WWOX: variants seen among roughly 807,000 people sequenced by gnomAD.
WWOX encodes WW domain containing oxidoreductase.
Under a neutral mutation model 46.2 loss-of-function variants are expected in WWOX, and 69 were observed. The ratio of observed to expected loss-of-function variants is 1.49; its 90% CI spans 1.23 to 1.82. The LOEUF is 1.82. Among genes scored for constraint, WWOX ranks in the 40% most tolerant of loss-of-function variants. WWOX has a pLI of 0.00. For synonymous variants in WWOX, 359 were observed against 202.6 expected (o/e 1.77, Z -6.56); for missense variants, 919 against 542.6 (o/e 1.69, Z -6.89).
At chr16:79,012,175 G>A (rs1250976661) in intron 8 of WWOX, among the ~76,000 whole-genome samples, 3 of 152,140 alleles carry the variant, frequency 2.0e-5, no homozygotes, top group African/African-American at 7.2e-5. Flanking sequence ...GCCCTGTCCA[G>A]TATAAAAGCC....
intron 8 of WWOX, chr16:78,896,546 G>A (rs946367571): frequency 6.6e-6 from 1 of 152,156 alleles, no homozygotes; most frequent in African/African-American, 2.4e-5. Context: ...CTAATGAGAA[G>A]CAAACGCATC....
chr16:78,415,803 A>G (rs553556853), intron 6 of WWOX, among the ~76,000 whole-genome samples: 2 of 152,228 alleles, frequency 1.3e-5, no homozygotes, highest in South Asian at 4.2e-4. Flanking sequence ...TGTCACTCTC[A>G]TTGATGACAA....
chr16:78,665,469 A>G (rs910819418), intron 8 of WWOX, among the ~76,000 whole-genome samples: 2 of 152,052 alleles, frequency 1.3e-5, no homozygotes, highest in Non-Finnish European at 2.9e-5. Flanking sequence ...CTGACATGTG[A>G]TTTGCTGTGG....
chr16:78,984,826 G>T (rs1274331894), intron 8 of WWOX, among the ~76,000 whole-genome samples: 1 of 152,172 alleles, frequency 6.6e-6, no homozygotes, highest in Non-Finnish European at 1.5e-5. Flanking sequence ...CGTGTGCAGG[G>T]GATGTAACAG....
At chr16:78,581,208 A>T (rs1040001304) in intron 8 of WWOX, among the ~76,000 whole-genome samples, 1 of 152,318 alleles carries the variant, frequency 6.6e-6, no homozygotes, top group East Asian at 1.9e-4. Flanking sequence ...AAAGTTACAT[A>T]TGGTCCTTTG....
intron 5 of WWOX, among the ~76,000 whole-genome samples, chr16:78,353,711 G>C (rs1456181629): frequency 6.6e-6 from 1 of 152,210 alleles, no homozygotes; most frequent in Non-Finnish European, 1.5e-5. Flanking sequence ...GCTCACCTTG[G>C]AGAAGAACTT....
chr16:78,537,331 T>G (rs948021850), intron 8 of WWOX, among the ~76,000 whole-genome samples: 1 of 152,232 alleles, frequency 6.6e-6, no homozygotes, highest in East Asian at 1.9e-4. Flanking sequence ...ATACATGATA[T>G]GCATTTTCTA....
intron 4 of WWOX, among the ~76,000 whole-genome samples, chr16:78,119,682 T>C (rs2032992789): frequency 1.3e-5 from 2 of 151,950 alleles, no homozygotes; most frequent in Admixed American, 6.6e-5. Context: ...CAGGTGTTGG[T>C]CTCAAACTCC....
intron 5 of WWOX, chr16:78,269,023 G>A (rs2079423317): frequency 6.6e-6 from 1 of 152,042 alleles, no homozygotes; most frequent in Non-Finnish European, 1.5e-5. Context: ...TCTGAAATAA[G>A]TGGACACATA....
intron 8 of WWOX, among the ~76,000 whole-genome samples, chr16:79,104,731 G>A (rs1382767648): frequency 6.6e-6 from 1 of 152,166 alleles, no homozygotes; most frequent in Non-Finnish European, 1.5e-5. Flanking sequence ...GCCCCAGCAT[G>A]AGTCCTTTTC....
intron 8 of WWOX, among the ~76,000 whole-genome samples, chr16:78,882,536 G>C (rs2044364543): frequency 1.3e-5 from 2 of 150,506 alleles, no homozygotes; most frequent in Non-Finnish European, 2.9e-5. Flanking sequence ...GCGTGCATTG[G>C]TGGGATCTCA....
intron 8 of WWOX, among the ~76,000 whole-genome samples, chr16:78,867,834 C>T (rs2044039815): frequency 1.3e-5 from 2 of 152,082 alleles, no homozygotes; most frequent in South Asian, 2.1e-4. Flanking sequence ...GAATTCTAGC[C>T]CCAGACCATG....
chr16:78,868,658 C>G (rs1478681951), intron 8 of WWOX, among the ~76,000 whole-genome samples: 1 of 152,056 alleles, frequency 6.6e-6, no homozygotes, highest in Non-Finnish European at 1.5e-5. Flanking sequence ...ACTATCTGTC[C>G]AACAGTTTAG....
intron 8 of WWOX, among the ~76,000 whole-genome samples, chr16:79,073,149 C>CATT (rs1347902543): frequency 3.2e-5 from 3 of 92,606 alleles, no homozygotes; most frequent in East Asian, 3.1e-4. Context: ...AGTAGTTATT[C>CATT]GTTATTATTA....
chr16:78,737,536 C>T (rs151118035), intron 8 of WWOX, among the ~76,000 whole-genome samples: 627 of 152,116 alleles, frequency 4.1e-3, no homozygotes, highest in African/African-American at 0.014. Flanking sequence ...TACCCATCAC[C>T]CGGGCAGTGT....
intron 8 of WWOX, among the ~76,000 whole-genome samples, chr16:78,560,391 C>T (rs1042303771): frequency 4.6e-5 from 7 of 152,116 alleles, no homozygotes; most frequent in Admixed American, 3.9e-4. Context: ...GCCTGTAATC[C>T]CAGCACTTTG....
intron 8 of WWOX, among the ~76,000 whole-genome samples, chr16:79,055,852 G>C (rs1305003036): frequency 6.6e-6 from 1 of 152,116 alleles, no homozygotes. Context: ...AGATGTTGAG[G>C]ACTAAGCTTT....
intron 8 of WWOX, among the ~76,000 whole-genome samples, chr16:78,520,916 A>G (rs2043335345): frequency 2.6e-5 from 4 of 152,306 alleles, no homozygotes; most frequent in Middle Eastern, 3.4e-3. Flanking sequence ...GCAAAAGAAG[A>G]CAAAAGAGCT....
At chr16:78,239,620 C>T (rs1023382359) in intron 5 of WWOX, among the ~76,000 whole-genome samples, 15 of 152,034 alleles carry the variant, frequency 9.9e-5, no homozygotes, top group African/African-American at 2.7e-4. Flanking sequence ...CTGCAACCTC[C>T]GCCTCCTGGG....
Sources: allele counts gnomAD v4.1 joint callset (sites outside exome capture counted in the v4.1 genomes callset), GRCh38; gene constraint gnomAD v4.1.1; transcripts MANE v1.5; gene names NCBI Gene and HGNC (gene_info 2026-07-23, HGNC 2026-07-21).